The following SMOC2 variants were observed in gnomAD, a reference collection of about 807,000 sequenced individuals.
SMOC2 encodes SPARC-related modular calcium-binding protein 2.
In SMOC2, 39 loss-of-function variants were observed where a neutral mutation model predicts 61.4. The ratio of observed to expected loss-of-function variants is 0.64; its 90% CI spans 0.49 to 0.83. The LOEUF (loss-of-function observed/expected upper bound fraction) is 0.83, where lower values mean the gene tolerates loss of function less well. SMOC2 is among the 40% of genes least tolerant of loss of function. The pLI is 0.00. For synonymous variants in SMOC2, 247 were observed against 239.9 expected (o/e 1.03, Z -0.27); for missense variants, 556 against 592.9 (o/e 0.94, Z 0.65).
chr6:168,536,104 G>GT (rs777068251), intron 4 of SMOC2, among the ~76,000 whole-genome samples: 45 of 152,348 alleles, frequency 3.0e-4, no homozygotes, highest in Admixed American at 8.5e-4. Context: ...TGTGGCCAAA[G>GT]TTTGCTTTCT....
chr6:168,451,599 G>GTCTCTCTC lies in SMOC2; in HGVS notation c.84+10168_84+10175dup, dbSNP rs59096709. ...TCTCTCTCTGTCTCTCTCTGTCTCT[G>GTCTCTCTC]TCTCTCTCTCTCTCTCTCTCTCTCT... On this transcript the variant is annotated intron_variant, in intron 1 of 12. Coordinates refer to ENST00000356284, the MANE Select transcript of SMOC2 (RefSeq NM_001166412.2). 3.9e-3 allele frequency among the ~76,000 whole-genome samples: 571 copies of GTCTCTCTC among 145,610 alleles called. 2 individuals carry two copies. Among genetic ancestry groups the GTCTCTCTC allele is most frequent in the African/African-American group, 8.1e-3 (320 of 39,488 alleles).
chr6:168,599,400 TGA>T lies in SMOC2; in HGVS notation c.824+397_824+398del, dbSNP rs1307338383. Among the ~76,000 whole-genome samples, 255 of 45,512 alleles carry T rather than the reference TGA, an allele frequency of 5.6e-3. 1 individual carries two copies. Among genetic ancestry groups the T allele is most frequent in the African/African-American group, 0.019 (241 of 12,832 alleles). The allele number at this position is 45,512 out of a possible 152,430, so 29.9% of individuals were successfully genotyped here. ...CACACACCCACACTCACACACACAC[TGA>T]CACACACACATTCATACCCCCCACA... On this transcript the variant is annotated intron_variant, in intron 8 of 12. Transcript: ENST00000356284.
At chr6:168,478,766 C>A (rs1782143667) in intron 1 of SMOC2, among the ~76,000 whole-genome samples, 1 of 152,176 alleles carries the variant, frequency 6.6e-6, no homozygotes, top group Non-Finnish European at 1.5e-5. Flanking sequence ...TCTAGAACAG[C>A]CCTGGTTGTC....
At chr6:168,599,353 TCA>T (rs1231245407) in intron 8 of SMOC2, among the ~76,000 whole-genome samples, 62 of 95,266 alleles carry the variant, frequency 6.5e-4, no homozygotes, top group South Asian at 2.3e-3. Flanking sequence ...ACACAACCAC[TCA>T]CACGCACACA....
At chr6:168,508,854 G>A (rs1782939526) in intron 1 of SMOC2, among the ~76,000 whole-genome samples, 1 of 152,198 alleles carries the variant, frequency 6.6e-6, no homozygotes, top group South Asian at 2.1e-4. Context: ...AGCTCTGCGC[G>A]TTTCTTTCTT....
chr6:168,567,171 T>C (rs1784565537), intron 7 of SMOC2, among the ~76,000 whole-genome samples: 1 of 152,214 alleles, frequency 6.6e-6, no homozygotes, highest in South Asian at 2.1e-4. Flanking sequence ...ATACTTTAAT[T>C]GTATAAGTCA....
chr6:168,585,315 C>G (rs372811806), intron 7 of SMOC2, among the ~76,000 whole-genome samples: 7 of 152,124 alleles, frequency 4.6e-5, no homozygotes, highest in Admixed American at 4.6e-4. Flanking sequence ...CATAAGTACC[C>G]CTTTGTTCCT....
intron 7 of SMOC2, among the ~76,000 whole-genome samples, chr6:168,578,007 G>A (rs377567953): frequency 6.6e-6 from 1 of 152,216 alleles, no homozygotes; most frequent in African/African-American, 2.4e-5. Flanking sequence ...ACCATAACTT[G>A]TTGCAAAACC....
At position 168,664,061 on chromosome 6, in the gene SMOC2, T is replaced by C; in HGVS notation, c.1286-13T>C. On this transcript the variant is annotated splice_polypyrimidine_tract_variant and intron_variant, in intron 11 of 12. Transcript: ENST00000356284. ...CTCTGATTTTTAATAATATCTTTTT[T>C]TTTTCCTGCTAGCCCCCAGAGGTCA... The C allele has an allele frequency of 6.3e-7, 1 of 1,596,134 alleles. No individual in the cohort carries two copies. Among genetic ancestry groups the C allele is most frequent in the South Asian group, 1.1e-5 (1 of 88,952 alleles).
At chr6:168,656,077 T>G (rs1787315359) in intron 11 of SMOC2, among the ~76,000 whole-genome samples, 1 of 152,278 alleles carries the variant, frequency 6.6e-6, no homozygotes, top group Non-Finnish European at 1.5e-5. Flanking sequence ...ATTTGTGTAA[T>G]ACTTGCTGGG....
At chr6:168,612,291 C>T (rs1353086629) in intron 9 of SMOC2, among the ~76,000 whole-genome samples, 1 of 126,140 alleles carries the variant, frequency 7.9e-6, no homozygotes, top group African/African-American at 3.0e-5. Flanking sequence ...AGAGGGTGAC[C>T]CCAGCCTTTA....
chr6:168,613,375 T>C (rs2115213729), intron 9 of SMOC2, among the ~76,000 whole-genome samples: 1 of 152,266 alleles, frequency 6.6e-6, no homozygotes, highest in East Asian at 1.9e-4. Flanking sequence ...GGGGGCGGCA[T>C]GAGGAGCCCC....
chr6:168,441,400 G>A lies in SMOC2; in HGVS notation c.30G>A (p.Pro10=), dbSNP rs1196542008. MLLPQLCWL[P]LLAGLLPPVP... Reference sequence around the variant, plus strand: ...TGCTCCCCCAGCTCTGCTGGCTGCCGCTGCTCGCTGGGCTGCTCCCGCCGG... The same window carrying A: ...TGCTCCCCCAGCTCTGCTGGCTGCCACTGCTCGCTGGGCTGCTCCCGCCGG... The change falls in exon 1 of 13, where the codon CCG becomes CCA. Residue 10 remains proline (P), a synonymous_variant. Coordinates refer to ENST00000356284, the MANE Select transcript of SMOC2 (RefSeq NM_001166412.2). 15 of 1,509,208 alleles carry A rather than the reference G, an allele frequency of 9.9e-6. No individual in the cohort carries two copies. The highest frequency in any genetic ancestry group is 1.3e-5 in the Non-Finnish European group (15 of 1,133,794). 93.5% of individuals were successfully genotyped at this position (1,509,208 alleles called of 1,614,324 possible).
intron 1 of SMOC2, among the ~76,000 whole-genome samples, chr6:168,458,029 C>T (rs1051487885): frequency 5.9e-5 from 9 of 152,160 alleles, no homozygotes; most frequent in Admixed American, 1.3e-4. Context: ...GTGGAATCAA[C>T]GCAACCTGGG....
intron 12 of SMOC2, 129 bp downstream of exon 12, chr6:168,664,240 G>C (rs1390772542): frequency 1.2e-6 from 1 of 815,188 alleles, no homozygotes; most frequent in African/African-American, 1.7e-5. Context: ...TAATTCAAGG[G>C]AGGCAAGCTT....
chr6:168,644,333 G>C (rs1404076353), intron 9 of SMOC2, among the ~76,000 whole-genome samples: 2 of 152,170 alleles, frequency 1.3e-5, no homozygotes, highest in Non-Finnish European at 1.5e-5. Context: ...TCTGTACCAG[G>C]TCGGTGTGTT....
At chr6:168,599,758 A>C in intron 8 of SMOC2, among the ~76,000 whole-genome samples, 1 of 75,364 alleles carries the variant, frequency 1.3e-5, no homozygotes. Flanking sequence ...ACACTCATAC[A>C]ATCCCCCAAA....
chr6:168,444,166 C>A (rs1781280172), intron 1 of SMOC2, among the ~76,000 whole-genome samples: 1 of 152,240 alleles, frequency 6.6e-6, no homozygotes, highest in Non-Finnish European at 1.5e-5. Flanking sequence ...CTGGGTGTAT[C>A]TGTGGACTTT....
At position 168,475,671 on chromosome 6, in the gene SMOC2, G is replaced by A. The variant is rs185329801; in HGVS notation, c.84+34217G>A. 1.3e-3 allele frequency among the ~76,000 whole-genome samples: 193 copies of A among 152,252 alleles called. 2 individuals carry two copies. Among genetic ancestry groups the A allele is most frequent in the Non-Finnish European group, 1.3e-3 (89 of 67,990 alleles). Reference sequence around the variant, plus strand: ...GAGAACTGAGACCTGCTTCCCACGCGTCTGTGGCCCAGGGAGGCCACGTGT... The same window carrying A: ...GAGAACTGAGACCTGCTTCCCACGCATCTGTGGCCCAGGGAGGCCACGTGT... On this transcript the variant is annotated intron_variant, in intron 1 of 12. Coordinates refer to ENST00000356284, the MANE Select transcript of SMOC2 (RefSeq NM_001166412.2). This position sits in a 1 kb window ranked among gnomAD's most constrained non-coding sequence, Gnocchi z 4.6.
Sources: gnomAD v4.1 joint callset for allele counts (sites outside exome capture counted in the v4.1 genomes callset) on GRCh38, gnomAD v4.1.1 for gene constraint, Gnocchi (gnomAD v3.1) non-coding constraint, MANE v1.5 for transcripts, NCBI Gene and HGNC (gene_info 2026-07-23, HGNC 2026-07-21) for gene names.